RNF128: variants seen among roughly 807,000 people sequenced by gnomAD.
RNF128 encodes the protein E3 ubiquitin-protein ligase RNF128.
RNF128 carries 13 observed loss-of-function variants against 26.2 expected under a neutral mutation model. The ratio of observed to expected loss-of-function variants is 0.50; its 90% CI spans 0.32 to 0.79. RNF128 has a LOEUF of 0.79. RNF128 is among the 30% of genes least tolerant of loss of function. The pLI is 0.03. For synonymous variants in RNF128, 149 were observed against 142.5 expected (o/e 1.05, Z -0.32); for missense variants, 315 against 349.7 (o/e 0.90, Z 0.79).
intron 1 of RNF128, among the ~76,000 whole-genome samples, chrX:106,701,440 T>C (rs927371906): frequency 2.7e-5 from 3 of 111,675 alleles, no homozygotes; most frequent in African/African-American, 9.7e-5. Context: ...TATATGCATA[T>C]ATGTTTGTGT....
intron 1 of RNF128, among the ~76,000 whole-genome samples, chrX:106,743,964 G>A (rs1270432969): frequency 1.8e-5 from 2 of 111,497 alleles, no homozygotes; most frequent in East Asian, 5.7e-4. Context: ...GGACATGGAT[G>A]AAGCTGGAAA....
rs976354615 is a variant in RNF128 at position 106,795,563 on chromosome X, G to C, written c.1154-17G>C. ...AGAGGGGCAAAATCATCCTAAAATT[G>C]CTATTTCTTTTTAAAGATGAAAGTC... On this transcript the variant is annotated splice_polypyrimidine_tract_variant and intron_variant, in intron 6 of 6. Transcript: ENST00000255499. The C allele has an allele frequency of 1.7e-6, 2 of 1,173,893 alleles. No homozygotes were observed. The highest frequency in any genetic ancestry group is 1.1e-6 in the Non-Finnish European group (1 of 878,786).
At chrX:106,794,471 C>G (rs1284887873) in intron 6 of RNF128, among the ~76,000 whole-genome samples, 1 of 111,001 alleles carries the variant, frequency 9.0e-6, no homozygotes, top group Non-Finnish European at 1.9e-5. Flanking sequence ...ATGATAAGCA[C>G]TTTTAGCTAT....
chrX:106,702,330 T>C (rs1370919809), intron 1 of RNF128, among the ~76,000 whole-genome samples: 1 of 111,705 alleles, frequency 9.0e-6, no homozygotes, highest in Non-Finnish European at 1.9e-5. Context: ...ATCCTTTGCT[T>C]AACTCTTGGC....
At position 106,765,068 on chromosome X, in the gene RNF128, T is replaced by TC. The variant is rs758582729; in HGVS notation, c.485-7841dup. 8.0e-5 allele frequency among the ~76,000 whole-genome samples: 9 copies of TC among 111,836 alleles called. No individual in the cohort carries two copies. In the Admixed American group the frequency reaches 8.6e-4, roughly 11 times the overall value. On this transcript the variant is annotated intron_variant, in intron 1 of 6. Coordinates refer to ENST00000255499, the MANE Select transcript of RNF128 (RefSeq NM_194463.2). ...GTCTCTACATTTCAGACTCCTTCAC[T>TC]CCCCATTGTTTTTGAGATTTTCCTT...
chrX:106,696,085 A>T (rs1020855677), intron 1 of RNF128, among the ~76,000 whole-genome samples: 21 of 111,773 alleles, frequency 1.9e-4, no homozygotes, highest in Admixed American at 3.8e-4. Flanking sequence ...TACCTCCAAT[A>T]TAACCAAAGA....
chrX:106,694,260 T>C (rs752529435), exon 1 of RNF128: 5 of 1,209,061 alleles, frequency 4.1e-6, no homozygotes, highest in Admixed American at 4.4e-5. Flanking sequence ...AGTTTAGTAA[T>C]ACTAAGAAGC....
At chrX:106,707,616 A>G (rs1929064526) in intron 1 of RNF128, among the ~76,000 whole-genome samples, 1 of 110,406 alleles carries the variant, frequency 9.1e-6, no homozygotes, top group African/African-American at 3.3e-5. Context: ...TGTGTCTTGG[A>G]GAAGGATTTG....
chrX:106,704,357 C>T (rs1018474331), intron 1 of RNF128, among the ~76,000 whole-genome samples: 5 of 101,199 alleles, frequency 4.9e-5, no homozygotes, highest in African/African-American at 1.4e-4. Context: ...GGCGTGAACC[C>T]GGGAGGCGGA....
intron 6 of RNF128, among the ~76,000 whole-genome samples, chrX:106,792,555 T>G (rs1243306465): frequency 9.0e-6 from 1 of 111,256 alleles, no homozygotes; most frequent in Non-Finnish European, 1.9e-5. Flanking sequence ...TGTTCTCAAT[T>G]CTGTCCCCTA....
At chrX:106,791,288 T>G in intron 6 of RNF128, 54 bp downstream of exon 6, 1 of 1,088,189 alleles carries the variant, frequency 9.2e-7, no homozygotes, top group Non-Finnish European at 1.2e-6. Context: ...GTAGATCATA[T>G]GCCTGTATAG....
chrX:106,707,254 G>T (rs918051721), intron 1 of RNF128, among the ~76,000 whole-genome samples: 1 of 111,597 alleles, frequency 9.0e-6, no homozygotes, highest in African/African-American at 3.2e-5. Context: ...CACTGTCAGG[G>T]ACAGAGAGTT....
chrX:106,760,807 G>A (rs1292034744), intron 1 of RNF128, among the ~76,000 whole-genome samples: 1 of 111,759 alleles, frequency 8.9e-6, no homozygotes, highest in Non-Finnish European at 1.9e-5. Context: ...ATACTATTCA[G>A]CATTTAAAAA....
At chrX:106,757,640 C>T (rs1256102693) in intron 1 of RNF128, among the ~76,000 whole-genome samples, 95 of 91,659 alleles carry the variant, frequency 1.0e-3, no homozygotes, top group Non-Finnish European at 1.7e-3. Context: ...TGCTAGATGA[C>T]GAGTTAGTGG....
At chrX:106,716,565 TA>T (rs1274010246) in intron 1 of RNF128, among the ~76,000 whole-genome samples, 2 of 110,982 alleles carry the variant, frequency 1.8e-5, no homozygotes, top group Admixed American at 1.9e-4. Flanking sequence ...AACCATATAC[TA>T]AAAAGGGTGA....
upstream of RNF128, chrX:106,726,653 G>C (rs1929398072): frequency 1.0e-6 from 1 of 971,763 alleles, no homozygotes; most frequent in Admixed American, 5.4e-5. Context: ...ACCCCCAGTC[G>C]GCTGGGCGGA....
chrX:106,786,311 T>C (rs1489412426), intron 3 of RNF128, among the ~76,000 whole-genome samples: 1 of 111,604 alleles, frequency 9.0e-6, no homozygotes, highest in Non-Finnish European at 1.9e-5. Flanking sequence ...GCAAAAGCAA[T>C]TCAATGAAGA....
At chrX:106,757,869 T>C (rs930438599) in intron 1 of RNF128, among the ~76,000 whole-genome samples, 1 of 112,147 alleles carries the variant, frequency 8.9e-6, no homozygotes, top group Non-Finnish European at 1.9e-5. Flanking sequence ...GCCTTTCCTT[T>C]AATACCTGGA....
At chrX:106,759,182 G>T (rs1930077703) in intron 1 of RNF128, among the ~76,000 whole-genome samples, 2 of 111,847 alleles carry the variant, frequency 1.8e-5, no homozygotes, top group African/African-American at 6.5e-5. Flanking sequence ...TATATGAAAA[G>T]ATGCTCAACA....
Sources: allele counts gnomAD v4.1 joint callset (sites outside exome capture counted in the v4.1 genomes callset), GRCh38; gene constraint gnomAD v4.1.1; transcripts MANE v1.5; gene names NCBI Gene and HGNC (gene_info 2026-07-23, HGNC 2026-07-21).